Variants in OPHN1 observed in about 807,000 individuals in gnomAD.
The protein encoded by OPHN1 is oligophrenin 1.
Under a neutral mutation model 60.7 loss-of-function variants are expected in OPHN1, and 11 were observed. The observed-to-expected ratio is 0.18, with a 90% CI of 0.11 to 0.30. OPHN1 has a LOEUF of 0.30. Ranked by LOEUF, OPHN1 falls within the 10% of genes least tolerant of loss-of-function variation. OPHN1 has a pLI of 1.00. For missense variants in OPHN1, 449 were observed against 611.0 expected (o/e 0.73, Z 2.80); for synonymous variants, 226 against 222.6 (o/e 1.02, Z -0.14).
intron 2 of OPHN1, among the ~76,000 whole-genome samples, chrX:68,308,329 G>A (rs1238372057): frequency 1.8e-5 from 2 of 111,826 alleles, no homozygotes; most frequent in Non-Finnish European, 3.8e-5. Context: ...AGTGGCTAAC[G>A]CCTGTAATCC....
chrX:68,304,519 A>G lies in OPHN1; in HGVS notation c.155-5423T>C, dbSNP rs777216206. On this transcript the variant is annotated intron_variant, in intron 2 of 24. Transcript: ENST00000355520. ...AATTGAGTTGTCTTATGACTAAACT[A>G]TAAGATTTCTTTATGTATTCTGGAA... Among the ~76,000 whole-genome samples the G allele has an allele frequency of 4.5e-5, 5 of 111,669 alleles. No homozygotes were observed. The East Asian group carries it at 1.4e-3, about 31-fold the overall frequency.
At chrX:68,260,843 C>T (rs2077889666) in intron 5 of OPHN1, among the ~76,000 whole-genome samples, 1 of 111,419 alleles carries the variant, frequency 9.0e-6, no homozygotes, top group Admixed American at 9.6e-5. Flanking sequence ...GCTGATGTTT[C>T]CTTCCCCTCT....
chrX:68,400,318 C>T (rs1219959024), intron 2 of OPHN1, among the ~76,000 whole-genome samples: 2 of 111,582 alleles, frequency 1.8e-5, no homozygotes, highest in Non-Finnish European at 3.8e-5. Context: ...ACGCCAAGAA[C>T]CTGGACAACT....
intron 2 of OPHN1, among the ~76,000 whole-genome samples, chrX:68,357,427 T>G (rs1436131330): frequency 2.3e-5 from 2 of 86,628 alleles, no homozygotes; most frequent in Non-Finnish European, 4.4e-5. Flanking sequence ...AACAGGCCCC[T>G]GTGTGTGATG....
At chrX:68,361,980 A>T (rs1477061526) in intron 2 of OPHN1, among the ~76,000 whole-genome samples, 2 of 111,386 alleles carry the variant, frequency 1.8e-5, no homozygotes, top group African/African-American at 3.3e-5. Flanking sequence ...AATGTTGAGC[A>T]TTTTTTTCAT....
At chrX:68,198,587 G>A (rs2077522179) in intron 11 of OPHN1, among the ~76,000 whole-genome samples, 1 of 111,480 alleles carries the variant, frequency 9.0e-6, no homozygotes, top group Admixed American at 9.6e-5. Flanking sequence ...TTTATGCAAG[G>A]TATAAAGTCT....
intron 2 of OPHN1, among the ~76,000 whole-genome samples, chrX:68,359,075 GT>G (rs1173555446): frequency 8.9e-6 from 1 of 111,752 alleles, no homozygotes; most frequent in Non-Finnish European, 1.9e-5. Context: ...CAAGGTTTTT[GT>G]TTTTACTTAT....
intron 21 of OPHN1, among the ~76,000 whole-genome samples, chrX:68,059,291 A>G (rs1430704694): frequency 8.9e-6 from 1 of 111,815 alleles, no homozygotes; most frequent in Non-Finnish European, 1.9e-5. Flanking sequence ...TTGGGACCTG[A>G]TGGTCATCAG....
chrX:68,079,318 C>A (rs764866384), intron 19 of OPHN1, among the ~76,000 whole-genome samples: 1 of 111,973 alleles, frequency 8.9e-6, no homozygotes, highest in Non-Finnish European at 1.9e-5. Flanking sequence ...AGTTAAGTCT[C>A]CATTTCTTCA....
At chrX:68,078,428 C>A (rs897507371) in intron 19 of OPHN1, among the ~76,000 whole-genome samples, 1 of 111,792 alleles carries the variant, frequency 8.9e-6, no homozygotes, top group Admixed American at 9.5e-5. Context: ...TCTAAAAAAA[C>A]GTTTTGAAAA....
At chrX:68,202,082 AT>A (rs2077537557) in intron 10 of OPHN1, among the ~76,000 whole-genome samples, 1 of 111,467 alleles carries the variant, frequency 9.0e-6, no homozygotes, top group Non-Finnish European at 1.9e-5. Flanking sequence ...GGGGAGGGAA[AT>A]TGTGACGGGG....
chrX:68,393,890 T>TTTTTTC, intron 2 of OPHN1, among the ~76,000 whole-genome samples: 1 of 66,483 alleles, frequency 1.5e-5, no homozygotes, highest in Non-Finnish European at 3.0e-5. Flanking sequence ...ACTTTGTTTT[T>TTTTTTC]TTTTTTTTTT....
intron 15 of OPHN1, among the ~76,000 whole-genome samples, chrX:68,172,791 CAT>C: frequency 9.0e-6 from 1 of 111,314 alleles, no homozygotes; most frequent in Middle Eastern, 4.6e-3. Flanking sequence ...AAACAACACT[CAT>C]AGTGAATTCT....
At chrX:68,384,483 G>T (rs868616277) in intron 2 of OPHN1, among the ~76,000 whole-genome samples, 2 of 112,123 alleles carry the variant, frequency 1.8e-5, no homozygotes, top group South Asian at 7.4e-4. Flanking sequence ...ACTTTGGGAG[G>T]CTGAGGCAGG....
intron 16 of OPHN1, among the ~76,000 whole-genome samples, chrX:68,118,886 C>G (rs2077138454): frequency 9.0e-6 from 1 of 111,679 alleles, no homozygotes; most frequent in African/African-American, 3.3e-5. Flanking sequence ...GGTTATTATC[C>G]TCTAAAACAT....
At chrX:68,404,371 G>T (rs1033731156) in intron 2 of OPHN1, among the ~76,000 whole-genome samples, 1 of 110,704 alleles carries the variant, frequency 9.0e-6, no homozygotes, top group Non-Finnish European at 1.9e-5. Flanking sequence ...TGTTGGCCAG[G>T]ATGGTCTCCA....
chrX:68,432,895 G>C lies in OPHN1; in HGVS notation c.126C>G (p.Asp42Glu). The C allele has an allele frequency of 3.3e-6, 4 of 1,211,791 alleles. No homozygotes were observed. Among genetic ancestry groups the C allele is most frequent in the Non-Finnish European group, 4.5e-6 (4 of 895,360 alleles). The change falls in exon 2 of 25, where the codon GAC becomes GAG. Residue 42 changes from aspartate (D) to glutamate (E), a missense_variant. By Grantham distance (45) the Asp-to-Glu change is conservative (BLOSUM62 2). This residue lies in a region of OPHN1 where 99 missense variants were observed against 155.2 expected (regional missense o/e 0.64). Coordinates refer to ENST00000355520, the MANE Select transcript of OPHN1 (RefSeq NM_002547.3). ...TNKFIKDVIK[D>E]GNALISAMRN... ...TCATAGCGCTGATAAGCGCGTTGCCGTCTTTGATTACGTCTTTGATGAATT... is the reference window on the plus strand; with the variant it reads ...TCATAGCGCTGATAAGCGCGTTGCCCTCTTTGATTACGTCTTTGATGAATT...
intron 4 of OPHN1, among the ~76,000 whole-genome samples, chrX:68,277,349 C>T (rs1287360189): frequency 8.9e-6 from 1 of 112,595 alleles, no homozygotes; most frequent in Admixed American, 9.4e-5. Context: ...TCCTGCTGCT[C>T]ACCTCCTGCT....
chrX:68,328,087 C>T (rs2078275151), intron 2 of OPHN1, among the ~76,000 whole-genome samples: 1 of 101,937 alleles, frequency 9.8e-6, no homozygotes, highest in African/African-American at 3.7e-5. Context: ...CCTCGGCCTC[C>T]CAAAGTGCTG....
Sources: gnomAD v4.1 joint callset for allele counts (sites outside exome capture counted in the v4.1 genomes callset) on GRCh38, gnomAD v4.1.1 for gene constraint, gnomAD v4.1.1 regional missense constraint, MANE v1.5 for transcripts, NCBI Gene and HGNC (gene_info 2026-07-23, HGNC 2026-07-21) for gene names.